The following NRG1 variants were observed in gnomAD, a reference collection of about 807,000 sequenced individuals.
NRG1 encodes pro-neuregulin-1, membrane-bound isoform.
A neutral mutation model predicts 63.8 loss-of-function variants in NRG1; 18 were observed. The observed-to-expected ratio is 0.28, with a 90% CI of 0.19 to 0.42. NRG1 has a LOEUF of 0.42. Ranked by LOEUF, NRG1 falls within the 10% of genes least tolerant of loss-of-function variation. The probability of loss-of-function intolerance (pLI) is 1.00; values close to 1 mark genes in which losing one functional copy is unlikely to be tolerated. For synonymous variants in NRG1, 302 were observed against 301.3 expected (o/e 1.00, Z -0.02); for missense variants, 762 against 814.7 (o/e 0.94, Z 0.79).
chr8:32,360,273 C>A (rs1807037273), intron 1 of NRG1, among the ~76,000 whole-genome samples: 1 of 152,040 alleles, frequency 6.6e-6, no homozygotes, highest in Admixed American at 6.6e-5. Context: ...CTGAAATTTG[C>A]CAATACCTGT....
At chr8:32,395,608 C>CTTT (rs541452250) in intron 1 of NRG1, among the ~76,000 whole-genome samples, 6 of 146,748 alleles carry the variant, frequency 4.1e-5, no homozygotes, top group Non-Finnish European at 6.0e-5. Context: ...TGAGTTATAA[C>CTTT]TTTTTTTTTT....
intron 1 of NRG1, among the ~76,000 whole-genome samples, chr8:31,805,346 G>C (rs1822163853): frequency 6.6e-6 from 1 of 151,678 alleles, no homozygotes; most frequent in African/African-American, 2.4e-5. Context: ...TTTTAGGGTA[G>C]GATAAACAAG....
intron 1 of NRG1, among the ~76,000 whole-genome samples, chr8:31,889,381 C>T (rs1434173130): frequency 2.0e-5 from 3 of 152,142 alleles, no homozygotes; most frequent in African/African-American, 7.2e-5. Flanking sequence ...AGTTTGTGGA[C>T]TGAGCTAAAC....
rs111421655 is a variant in NRG1 at position 32,599,648 on chromosome 8, T to C, written c.278+3643T>C. Among the ~76,000 whole-genome samples the C allele has an allele frequency of 3.7e-3, 566 of 152,314 alleles. 5 individuals are homozygous for C. The highest frequency in any genetic ancestry group is 0.013 in the African/African-American group (540 of 41,574). ...TGTTATATGTCTGCTTATGTCTTTG[T>C]TCTTGTTTTCTTTGATTGGTGGATG... On this transcript the variant is annotated intron_variant, in intron 2 of 11. Transcript: ENST00000356819.
At chr8:32,041,585 C>T (rs1040516314) in intron 1 of NRG1, among the ~76,000 whole-genome samples, 10 of 152,182 alleles carry the variant, frequency 6.6e-5, no homozygotes, top group African/African-American at 2.2e-4. Context: ...CTTCACCTGG[C>T]AGTGACGGTG....
rs368054524 is a variant in NRG1 at position 32,412,453 on chromosome 8, CATATATATAT to C, written c.38-183362_38-183353del. Among the ~76,000 whole-genome samples, 80 of 76,722 alleles carry C rather than the reference CATATATATAT, an allele frequency of 1.0e-3. 1 individual carries two copies. Among genetic ancestry groups the C allele is most frequent in the Non-Finnish European group, 1.1e-3 (45 of 40,604 alleles). 50.3% of individuals were successfully genotyped at this position (76,722 alleles called of 152,430 possible). On this transcript the variant is annotated intron_variant, in intron 1 of 10. Transcript: ENST00000519301. ...ATATATATATATATATATATATATA[CATATATATAT>C]ATATATATATATGAACAGATACATC...
chr8:32,512,636 T>C (rs988484833), intron 1 of NRG1, among the ~76,000 whole-genome samples: 1 of 152,080 alleles, frequency 6.6e-6, no homozygotes, highest in African/African-American at 2.4e-5. Context: ...ACAGAAAAAA[T>C]AGGTAACTTG....
At chr8:32,661,812 C>A (rs556532189) in intron 5 of NRG1, among the ~76,000 whole-genome samples, 3 of 152,006 alleles carry the variant, frequency 2.0e-5, no homozygotes. Flanking sequence ...TCTTAGCAGG[C>A]AGTACATCAT....
At chr8:32,042,961 A>AGTGTGTGT (rs111850977) in intron 1 of NRG1, among the ~76,000 whole-genome samples, 2,835 of 139,968 alleles carry the variant, frequency 0.02, 64 homozygotes, top group East Asian at 0.056. Flanking sequence ...GAAAGAGTGC[A>AGTGTGTGT]GTGTGTGTGT....
At chr8:31,856,237 C>A (rs1344891579) in intron 1 of NRG1, among the ~76,000 whole-genome samples, 1 of 152,196 alleles carries the variant, frequency 6.6e-6, no homozygotes, top group East Asian at 1.9e-4. Context: ...CTCCCCGTCA[C>A]TTTCAGGTAC....
chr8:32,316,007 G>A (rs74562588), intron 1 of NRG1, among the ~76,000 whole-genome samples: 3,274 of 146,258 alleles, frequency 0.022, 111 homozygotes, highest in African/African-American at 0.085. Context: ...GAAAGGAGAC[G>A]ATTAACCTAC....
intron 1 of NRG1, among the ~76,000 whole-genome samples, chr8:32,463,897 T>C (rs1822681545): frequency 1.0e-5 from 1 of 96,564 alleles, no homozygotes; most frequent in Admixed American, 1.1e-4. Flanking sequence ...TTTTTTTTTT[T>C]TTTTTTTTTT....
At chr8:32,725,638 G>A (rs1397698986) in intron 5 of NRG1, among the ~76,000 whole-genome samples, 1 of 151,518 alleles carries the variant, frequency 6.6e-6, no homozygotes, top group Admixed American at 6.6e-5. Context: ...ACCATGCTTA[G>A]CTAATTTTTG....
At chr8:31,644,790 C>T (rs572749004) in intron 1 of NRG1, among the ~76,000 whole-genome samples, 1 of 152,032 alleles carries the variant, frequency 6.6e-6, no homozygotes, top group East Asian at 1.9e-4. Context: ...TTATGAACTG[C>T]TTAGATATCC....
At chr8:32,093,455 T>G (rs992324931) in intron 1 of NRG1, among the ~76,000 whole-genome samples, 1 of 152,196 alleles carries the variant, frequency 6.6e-6, no homozygotes, top group Admixed American at 6.5e-5. Context: ...TACAGGAAAG[T>G]GTATTTAAGT....
chr8:31,950,422 A>G (rs1437567998), intron 1 of NRG1, among the ~76,000 whole-genome samples: 1 of 152,222 alleles, frequency 6.6e-6, no homozygotes, highest in Non-Finnish European at 1.5e-5. Context: ...GAAAAGAGGA[A>G]TCTTTCCTAG....
chr8:32,185,978 A>G (rs1003210180), intron 1 of NRG1, among the ~76,000 whole-genome samples: 5 of 152,196 alleles, frequency 3.3e-5, no homozygotes, highest in Non-Finnish European at 7.3e-5. Context: ...TGTCTCTGCA[A>G]TTACTGTTCT....
chr8:32,756,605 G>C (rs766931893), intron 9 of NRG1, 76 bp downstream of exon 9: 2 of 1,489,758 alleles, frequency 1.3e-6, no homozygotes, highest in Non-Finnish European at 1.8e-6. Flanking sequence ...ATTTTCGAAA[G>C]CTCTTAAGCT....
At chr8:32,430,499 G>A (rs990626868) in intron 1 of NRG1, among the ~76,000 whole-genome samples, 1 of 152,268 alleles carries the variant, frequency 6.6e-6, no homozygotes, top group Non-Finnish European at 1.5e-5. Flanking sequence ...TGGGCGTGTG[G>A]AGAGTCTGAT....
Sources: allele counts gnomAD v4.1 joint callset (sites outside exome capture counted in the v4.1 genomes callset), GRCh38; gene constraint gnomAD v4.1.1; transcripts MANE v1.5; gene names NCBI Gene and HGNC (gene_info 2026-07-23, HGNC 2026-07-21).